Variants in PRKN observed in about 807,000 individuals in gnomAD.
PRKN encodes parkin RBR E3 ubiquitin protein ligase.
A neutral mutation model predicts 59.5 loss-of-function variants in PRKN; 56 were observed. The observed-to-expected ratio is 0.94, with a 90% CI of 0.76 to 1.18. The LOEUF (loss-of-function observed/expected upper bound fraction) is 1.18. Ranked by LOEUF, PRKN falls within the 50% of genes most tolerant of loss-of-function variation. The pLI, the probability that PRKN is intolerant of heterozygous loss-of-function variation, is 0.00. For synonymous variants in PRKN, 250 were observed against 222.1 expected (o/e 1.13, Z -1.12); for missense variants, 657 against 596.4 (o/e 1.10, Z -1.06).
intron 1 of PRKN, among the ~76,000 whole-genome samples, chr6:162,468,011 AAGC>A (rs966868154): frequency 1.3e-5 from 2 of 152,180 alleles, no homozygotes; most frequent in African/African-American, 4.8e-5. Flanking sequence ...CACCCTAATT[AAGC>A]AGCCTCCCTA....
intron 5 of PRKN, among the ~76,000 whole-genome samples, chr6:162,049,167 C>T (rs779279748): frequency 1.8e-4 from 28 of 152,038 alleles, no homozygotes; most frequent in Non-Finnish European, 3.4e-4. Context: ...CTAAGATTAT[C>T]TTTAAGGGTA....
chr6:162,171,818 A>G (rs539319078), intron 4 of PRKN, among the ~76,000 whole-genome samples: 1 of 152,096 alleles, frequency 6.6e-6, no homozygotes, highest in Non-Finnish European at 1.5e-5. Context: ...CTTATTTTGC[A>G]TTTATTTTCC....
chr6:162,484,443 C>T (rs912093309), intron 1 of PRKN, among the ~76,000 whole-genome samples: 1 of 151,974 alleles, frequency 6.6e-6, no homozygotes, highest in Admixed American at 6.6e-5. Flanking sequence ...TATAATGGAT[C>T]GGGGGAAGGG....
chr6:162,408,391 AC>A (rs1222904772), intron 2 of PRKN, among the ~76,000 whole-genome samples: 1 of 152,186 alleles, frequency 6.6e-6, no homozygotes, highest in African/African-American at 2.4e-5. Flanking sequence ...TTTTGAAAAT[AC>A]AGGTTAATTC....
In PRKN at chr6:162,473,523, A is replaced by C. The variant is rs557792259; in HGVS notation, c.8-30050T>G. The stretch of plus-strand genomic sequence containing the variant: ...AGCCACCGATGTGGGCCACATATAA[A>C]ATTTTAAATTTTCTGGTGGCCATGA... On this transcript the variant is annotated intron_variant, in intron 1 of 11. Coordinates refer to ENST00000366898, the MANE Select transcript of PRKN (RefSeq NM_004562.3). Among the ~76,000 whole-genome samples the C allele has an allele frequency of 6.6e-5, 10 of 152,292 alleles. No homozygotes were observed. In the East Asian group the frequency reaches 1.3e-3, roughly 21 times the overall value.
At chr6:162,006,540 C>T (rs1399807777) in intron 5 of PRKN, among the ~76,000 whole-genome samples, 3 of 152,166 alleles carry the variant, frequency 2.0e-5, no homozygotes, top group Non-Finnish European at 4.4e-5. Flanking sequence ...ACAAGACCAA[C>T]GTGAGTTGGC....
intron 1 of PRKN, among the ~76,000 whole-genome samples, chr6:162,710,724 A>G (rs73599917): frequency 0.018 from 2,769 of 152,274 alleles, 87 homozygotes; most frequent in African/African-American, 0.063. Context: ...CCTGCCCACT[A>G]TAATAGCATC....
At chr6:162,075,401 A>T (rs946047719) in intron 4 of PRKN, among the ~76,000 whole-genome samples, 14 of 151,570 alleles carry the variant, frequency 9.2e-5, no homozygotes, top group African/African-American at 3.4e-4. Context: ...TGAATAACAC[A>T]TCACATTTTG....
chr6:161,564,165 G>T (rs936556103), intron 8 of PRKN, among the ~76,000 whole-genome samples: 4 of 152,290 alleles, frequency 2.6e-5, no homozygotes, highest in South Asian at 2.1e-4. Context: ...TGCCCCCACC[G>T]CTGGCAGGAA....
intron 2 of PRKN, among the ~76,000 whole-genome samples, chr6:162,432,147 A>G (rs1326994487): frequency 4.6e-5 from 7 of 152,180 alleles, no homozygotes; most frequent in Non-Finnish European, 8.8e-5. Flanking sequence ...AAACAATGCC[A>G]TTGAGTTGAA....
At chr6:162,418,661 T>TGTGTGTGTGTGTGTGTGCGTG (rs1398856017) in intron 2 of PRKN, among the ~76,000 whole-genome samples, 2 of 145,658 alleles carry the variant, frequency 1.4e-5, no homozygotes, top group Non-Finnish European at 1.5e-5. Context: ...TGCGTGTGTG[T>TGTGTGTGTGTGTGTGTGCGTG]TGAGGGGGGG....
intron 1 of PRKN, among the ~76,000 whole-genome samples, chr6:162,599,838 A>T (rs1032596414): frequency 6.6e-6 from 1 of 152,216 alleles, no homozygotes; most frequent in African/African-American, 2.4e-5. Flanking sequence ...AGTCTTCTAG[A>T]ATATTTACAA....
chr6:162,308,600 C>T (rs1256984966), intron 2 of PRKN, among the ~76,000 whole-genome samples: 1 of 152,148 alleles, frequency 6.6e-6, no homozygotes, highest in Non-Finnish European at 1.5e-5. Context: ...ATAAACTATC[C>T]TATTGCATAC....
chr6:161,654,154 A>C (rs2128162878), intron 7 of PRKN, among the ~76,000 whole-genome samples: 1 of 152,274 alleles, frequency 6.6e-6, no homozygotes, highest in Non-Finnish European at 1.5e-5. Context: ...TTTAAAAATG[A>C]AGGTGAAAAC....
intron 4 of PRKN, among the ~76,000 whole-genome samples, chr6:162,118,833 T>G (rs572085296): frequency 4.6e-5 from 7 of 152,212 alleles, no homozygotes; most frequent in Non-Finnish European, 8.8e-5. Flanking sequence ...GTCCTGGCCT[T>G]TGAACACGAA....
intron 6 of PRKN, among the ~76,000 whole-genome samples, chr6:161,826,698 G>A (rs1448199785): frequency 6.6e-6 from 1 of 152,166 alleles, no homozygotes; most frequent in Non-Finnish European, 1.5e-5. Flanking sequence ...TCTGGCAGAG[G>A]CTTTAACCCA....
chr6:162,469,892 A>T (rs1163931440), intron 1 of PRKN, among the ~76,000 whole-genome samples: 2 of 152,320 alleles, frequency 1.3e-5, no homozygotes, highest in East Asian at 1.9e-4. Context: ...TAAAAAATTT[A>T]AAAAAAGAAA....
rs115088460 is a variant in PRKN, at chr6:162,507,356, A to C, written c.8-63883T>G. On this transcript the variant is annotated intron_variant, in intron 1 of 11. Coordinates refer to ENST00000366898, the MANE Select transcript of PRKN (RefSeq NM_004562.3). The stretch of plus-strand genomic sequence containing the variant: ...TTCTCACTGTCCTAGAATGAAATCC[A>C]AAGATGGACCCTGGGAAGCAGAAAA... Among the ~76,000 whole-genome samples the C allele has an allele frequency of 5.4e-3, 829 of 152,306 alleles. 6 individuals are homozygous for C. The highest frequency in any genetic ancestry group is 0.019 in the African/African-American group (797 of 41,554).
At chr6:161,421,174 C>T (rs971225376) in intron 9 of PRKN, among the ~76,000 whole-genome samples, 1 of 152,096 alleles carries the variant, frequency 6.6e-6, no homozygotes, top group Non-Finnish European at 1.5e-5. Context: ...AGGGCCCATA[C>T]CCCACACCAG....
Sources: gnomAD v4.1 joint callset for allele counts (sites outside exome capture counted in the v4.1 genomes callset) on GRCh38, gnomAD v4.1.1 for gene constraint, MANE v1.5 for transcripts, NCBI Gene and HGNC (gene_info 2026-07-23, HGNC 2026-07-21) for gene names.